Variants in NYAP2 observed in about 807,000 individuals in gnomAD.
The protein encoded by NYAP2 is neuronal tyrosine-phosphorylated phosphoinositide-3-kinase adapter 2.
A neutral mutation model predicts 50.4 loss-of-function variants in NYAP2; 23 were observed. The ratio of observed to expected loss-of-function variants is 0.46; its 90% CI spans 0.33 to 0.65. The LOEUF (loss-of-function observed/expected upper bound fraction) is 0.65, where lower values mean the gene tolerates loss of function less well. Ranked by LOEUF, NYAP2 falls within the 30% of genes least tolerant of loss-of-function variation. NYAP2 has a pLI of 0.02. For synonymous variants in NYAP2, 394 were observed against 365.2 expected (o/e 1.08, Z -0.90); for missense variants, 885 against 861.0 (o/e 1.03, Z -0.35).
chr2:225,620,671 C>T (rs1469220393), intron 5 of NYAP2, among the ~76,000 whole-genome samples: 1 of 152,118 alleles, frequency 6.6e-6, no homozygotes, highest in Admixed American at 6.6e-5. Context: ...TCAAGTTTCT[C>T]TAAATACACC....
the NYAP2 span, chr2:225,702,689 G>A: frequency 6.6e-6 from 1 of 151,648 alleles, no homozygotes; most frequent in African/African-American, 2.4e-5. Context: ...GTGACTTGGG[G>A]TTTGGATGAT....
chr2:225,688,578 A>G, the NYAP2 span, among the ~76,000 whole-genome samples: 1 of 152,182 alleles, frequency 6.6e-6, no homozygotes, highest in Non-Finnish European at 1.5e-5. Flanking sequence ...AGGACATTTA[A>G]TCTTCTCAAG....
chr2:225,665,933 C>A, the NYAP2 span, among the ~76,000 whole-genome samples: 2 of 151,244 alleles, frequency 1.3e-5, no homozygotes, highest in African/African-American at 4.9e-5. Context: ...CCCACTCCCT[C>A]CCTCTCAGCT....
intron 4 of NYAP2, among the ~76,000 whole-genome samples, chr2:225,570,120 G>A (rs1049170530): frequency 2.0e-5 from 3 of 152,192 alleles, no homozygotes; most frequent in African/African-American, 7.2e-5. Context: ...GCCCTGGAAT[G>A]CAAATATCAA....
At chr2:225,538,822 CTTT>C (rs1559208700) in intron 4 of NYAP2, among the ~76,000 whole-genome samples, 4 of 72,190 alleles carry the variant, frequency 5.5e-5, no homozygotes, top group Non-Finnish European at 1.2e-4. Context: ...TTCTTTCTTT[CTTT>C]CTTTCTTTCT....
At chr2:225,626,725 A>G (rs981754052) in intron 5 of NYAP2, among the ~76,000 whole-genome samples, 192 bp from the exon 6 acceptor site, 4 of 152,196 alleles carry the variant, frequency 2.6e-5, no homozygotes, top group Non-Finnish European at 5.9e-5. Flanking sequence ...TCCCAGAGAT[A>G]CTAGCCTACA....
At chr2:225,485,171 T>C (rs992730409) in intron 3 of NYAP2, among the ~76,000 whole-genome samples, 4 of 152,216 alleles carry the variant, frequency 2.6e-5, no homozygotes, top group Admixed American at 1.3e-4. Flanking sequence ...TCTCTCGTGA[T>C]AGTGAGTCTC....
At chr2:225,693,310 A>G in the NYAP2 span, among the ~76,000 whole-genome samples, 1 of 151,952 alleles carries the variant, frequency 6.6e-6, no homozygotes, top group South Asian at 2.1e-4. Flanking sequence ...CTGTCTCTCA[A>G]TTTGGGTTTC....
At chr2:225,449,539 A>T (rs1278115417) in intron 3 of NYAP2, among the ~76,000 whole-genome samples, 17 of 150,580 alleles carry the variant, frequency 1.1e-4, no homozygotes, top group Admixed American at 6.6e-4. Flanking sequence ...TACATTTTTC[A>T]TTTTAAAATA....
chr2:225,655,413 T>C (rs549275598), downstream of NYAP2, among the ~76,000 whole-genome samples: 1 of 152,348 alleles, frequency 6.6e-6, no homozygotes, highest in South Asian at 2.1e-4. Context: ...TTTACCTTCA[T>C]AGAAATCTTT....
At chr2:225,534,264 A>G (rs1021227033) in intron 4 of NYAP2, among the ~76,000 whole-genome samples, 1 of 152,180 alleles carries the variant, frequency 6.6e-6, no homozygotes, top group African/African-American at 2.4e-5. Context: ...CATTCCCCCA[A>G]AGGATGTGGG....
the NYAP2 span, among the ~76,000 whole-genome samples, chr2:225,693,827 C>A: frequency 6.6e-6 from 1 of 152,036 alleles, no homozygotes; most frequent in East Asian, 1.9e-4. Flanking sequence ...GACCATAACA[C>A]CAGGTTCCTC....
intron 5 of NYAP2, among the ~76,000 whole-genome samples, chr2:225,607,903 A>G (rs1692815798): frequency 6.6e-6 from 1 of 152,126 alleles, no homozygotes; most frequent in Admixed American, 6.6e-5. Flanking sequence ...GGGTTGTTGA[A>G]CAATAAGGAC....
At chr2:225,586,131 CTT>C (rs1439675198) in intron 5 of NYAP2, among the ~76,000 whole-genome samples, 1 of 152,118 alleles carries the variant, frequency 6.6e-6, no homozygotes, top group Non-Finnish European at 1.5e-5. Context: ...CAAATATAGT[CTT>C]TGTTTTAATT....
the NYAP2 span, among the ~76,000 whole-genome samples, chr2:225,682,632 G>C: frequency 2.0e-5 from 3 of 152,152 alleles, no homozygotes; most frequent in African/African-American, 7.2e-5. Context: ...GTGAAGTTGT[G>C]TTGTCATTTC....
chr2:225,630,962 A>C (rs1693303283), intron 6 of NYAP2, among the ~76,000 whole-genome samples: 1 of 152,210 alleles, frequency 6.6e-6, no homozygotes, highest in Non-Finnish European at 1.5e-5. Context: ...TTCAGATTAT[A>C]GATCTGTAGC....
chr2:225,594,354 T>A (rs994258917), intron 5 of NYAP2, among the ~76,000 whole-genome samples: 1 of 151,970 alleles, frequency 6.6e-6, no homozygotes, highest in Non-Finnish European at 1.5e-5. Context: ...TGAAACCCTG[T>A]CTCTACTAAA....
At chr2:225,607,236 T>C (rs1237318797) in intron 5 of NYAP2, among the ~76,000 whole-genome samples, 1 of 152,056 alleles carries the variant, frequency 6.6e-6, no homozygotes, top group Non-Finnish European at 1.5e-5. Flanking sequence ...ATTTGAGCGA[T>C]GGGTACACAG....
At chr2:225,540,892 A>T (rs781276920) in intron 4 of NYAP2, among the ~76,000 whole-genome samples, 3 of 152,156 alleles carry the variant, frequency 2.0e-5, no homozygotes, top group Non-Finnish European at 4.4e-5. Flanking sequence ...TTACTAATTA[A>T]CACTCCCACC....
Sources: gnomAD v4.1 joint callset for allele counts (sites outside exome capture counted in the v4.1 genomes callset) on GRCh38, gnomAD v4.1.1 for gene constraint, MANE v1.5 for transcripts, NCBI Gene and HGNC (gene_info 2026-07-23, HGNC 2026-07-21) for gene names.